The following ZFHX4 variants were observed in gnomAD, a reference collection of about 807,000 sequenced individuals.
ZFHX4 encodes zinc finger homeobox 4, also known as zinc finger homeobox protein 4.
ZFHX4 carries 56 observed loss-of-function variants against 267.6 expected under a neutral mutation model. The observed-to-expected ratio is 0.21, with a 90% CI of 0.17 to 0.26. The LOEUF is 0.26. Ranked by LOEUF, ZFHX4 falls within the 10% of genes least tolerant of loss-of-function variation. The probability of loss-of-function intolerance (pLI) is 1.00; values close to 1 mark genes in which losing one functional copy is unlikely to be tolerated. For synonymous variants in ZFHX4, 1,778 were observed against 1,665.6 expected (o/e 1.07, Z -1.64); for missense variants, 4,332 against 4,420.0 (o/e 0.98, Z 0.56).
chr8:76,752,487 C>CAAAAAAAAAAAAA (rs144149879), intron 3 of ZFHX4, among the ~76,000 whole-genome samples: 6 of 70,904 alleles, frequency 8.5e-5, no homozygotes, highest in Non-Finnish European at 1.2e-4. Context: ...ACCAAAAATC[C>CAAAAAAAAAAAAA]AAAAAAAAAA....
intron 3 of ZFHX4, among the ~76,000 whole-genome samples, chr8:76,757,738 G>A (rs770672051): frequency 9.9e-5 from 15 of 152,182 alleles, no homozygotes; most frequent in Non-Finnish European, 2.1e-4. Flanking sequence ...TAGGCACCAT[G>A]CCTATGTCTC....
chr8:76,693,372 A>G (rs973142903), intron 1 of ZFHX4: 1 of 152,190 alleles, frequency 6.6e-6, no homozygotes, highest in Middle Eastern at 3.2e-3. Flanking sequence ...GGCTTTTTAT[A>G]TTAGAACCAT....
At chr8:76,753,313 C>T (rs1809671673) in intron 3 of ZFHX4, among the ~76,000 whole-genome samples, 1 of 152,176 alleles carries the variant, frequency 6.6e-6, no homozygotes, top group Non-Finnish European at 1.5e-5. Flanking sequence ...AATCTCTTAG[C>T]CCATTTGCTT....
chr8:76,727,905 C>T (rs1483007628), intron 3 of ZFHX4, among the ~76,000 whole-genome samples: 1 of 152,076 alleles, frequency 6.6e-6, no homozygotes, highest in Non-Finnish European at 1.5e-5. Flanking sequence ...TCCCTGATAG[C>T]TGAAATAGAC....
rs1199103479 is a variant in ZFHX4, at chr8:76,683,724, TCTC to T, written c.-47+2107_-47+2109del. ...GAGGGTTTTTTTTTTTTTATTGTGTTCTCCTGGATTTTCAGTGGCTTGATCCCT... is the reference window on the plus strand; with the variant it reads ...GAGGGTTTTTTTTTTTTTATTGTGTTCTGGATTTTCAGTGGCTTGATCCCT... On this transcript the variant is annotated intron_variant, in intron 1 of 10. Coordinates refer to ENST00000651372, the MANE Select transcript of ZFHX4 (RefSeq NM_024721.5). The T allele has an allele frequency of 7.3e-5, 11 of 149,684 alleles. No individual in the cohort carries two copies. In the East Asian group the frequency reaches 1.2e-3, roughly 16 times the overall value. The allele number at this position is 149,684 out of a possible 1,614,324, so 9.3% of individuals were successfully genotyped here. A position where few individuals can be genotyped will look rare whatever the true frequency, so the allele number is the denominator to read the frequency against.
intron 3 of ZFHX4, among the ~76,000 whole-genome samples, chr8:76,721,809 T>G (rs904279915): frequency 6.6e-6 from 1 of 152,008 alleles, no homozygotes; most frequent in African/African-American, 2.4e-5. Context: ...ATAATTGGAG[T>G]CTTCTCTCTC....
chr8:76,803,253 C>T (rs538875892), intron 4 of ZFHX4, among the ~76,000 whole-genome samples: 20 of 150,894 alleles, frequency 1.3e-4, no homozygotes, highest in Admixed American at 2.6e-4. Context: ...TGTGTGCATG[C>T]GCGTGTGTGC....
rs533241302 is a variant in ZFHX4 at position 76,704,351 on chromosome 8, C to A, written c.263C>A (p.Ser88Tyr). The A allele has an allele frequency of 4.2e-5, 67 of 1,614,046 alleles. No homozygotes were observed. Among genetic ancestry groups the A allele is most frequent in the Admixed American group, 6.7e-5 (4 of 60,026 alleles). ...KEIPCNECAT[S>Y]FPSLQKYMEH... The stretch of plus-strand genomic sequence containing the variant: ...ATACCCTGCAACGAATGTGCCACTT[C>A]TTTTCCCAGTTTACAGAAATACATG... Residue 88 changes from serine to tyrosine, a missense_variant, in exon 2 of 11, where the codon TCT (serine) becomes TAT (tyrosine). Physicochemically the swap from Ser to Tyr is moderately radical, Grantham distance 144 (BLOSUM62 -2). This residue lies in a region of ZFHX4 where 1,195 missense variants were observed against 1,173.6 expected (regional missense o/e 1.02). Coordinates refer to ENST00000651372, the MANE Select transcript of ZFHX4 (RefSeq NM_024721.5).
At chr8:76,700,381 C>T (rs183971387) in intron 1 of ZFHX4, among the ~76,000 whole-genome samples, 215 of 152,256 alleles carry the variant, frequency 1.4e-3, no homozygotes, top group Non-Finnish European at 1.4e-3. Context: ...TTCACAAACA[C>T]TGTCTCACTG....
chr8:76,822,588 C>T (rs1423688007), intron 4 of ZFHX4, among the ~76,000 whole-genome samples: 1 of 151,286 alleles, frequency 6.6e-6, no homozygotes. Flanking sequence ...TACAGGTGTG[C>T]TCCACCATGC....
chr8:76,834,004 G>T, intron 5 of ZFHX4: 1 of 270,434 alleles, frequency 3.7e-6, no homozygotes, highest in Non-Finnish European at 7.4e-6. Flanking sequence ...TTTTAGATTG[G>T]TTTCATTCAC....
At chr8:76,843,482 G>A (rs758314920) in intron 6 of ZFHX4, among the ~76,000 whole-genome samples, 5 of 152,126 alleles carry the variant, frequency 3.3e-5, no homozygotes, top group Non-Finnish European at 7.4e-5. Flanking sequence ...CAAACCCTAG[G>A]CCAGCATCTG....
intron 4 of ZFHX4, among the ~76,000 whole-genome samples, chr8:76,827,574 A>C (rs1811819814): frequency 6.6e-6 from 1 of 152,232 alleles, no homozygotes; most frequent in Non-Finnish European, 1.5e-5. Context: ...ATACAATAGG[A>C]ATTAGTAAAT....
At chr8:76,799,885 C>A (rs916514524) in intron 4 of ZFHX4, among the ~76,000 whole-genome samples, 4 of 152,156 alleles carry the variant, frequency 2.6e-5, no homozygotes, top group African/African-American at 9.7e-5. Context: ...CGTGTTCATT[C>A]AGCTTTCACT....
intron 4 of ZFHX4, among the ~76,000 whole-genome samples, chr8:76,825,360 A>G (rs1811757249): frequency 6.6e-6 from 1 of 152,246 alleles, no homozygotes; most frequent in Non-Finnish European, 1.5e-5. Flanking sequence ...AGTATCAAAT[A>G]GCTAGAAACT....
chr8:76,725,154 A>G (rs1016998895), intron 3 of ZFHX4, among the ~76,000 whole-genome samples: 18 of 152,270 alleles, frequency 1.2e-4, no homozygotes, highest in African/African-American at 4.1e-4. Context: ...CCCAAATACA[A>G]TATTGAATAC....
At chr8:76,735,890 T>C (rs1809146518) in intron 3 of ZFHX4, among the ~76,000 whole-genome samples, 1 of 152,098 alleles carries the variant, frequency 6.6e-6, no homozygotes, top group Non-Finnish European at 1.5e-5. Context: ...TGCCTGTCTT[T>C]GTAATTTTAG....
chr8:76,758,488 G>T (rs1021725893), intron 3 of ZFHX4, among the ~76,000 whole-genome samples: 4 of 151,768 alleles, frequency 2.6e-5, no homozygotes, highest in Non-Finnish European at 4.4e-5. Context: ...GAGTTTTTTT[G>T]TTTGTTTGTT....
chr8:76,855,876 G>A lies in ZFHX4; in HGVS notation c.8955G>A (p.Lys2985=). 3 of 1,613,814 alleles carry A rather than the reference G, an allele frequency of 1.9e-6. No homozygotes were observed. Among genetic ancestry groups the A allele is most frequent in the Middle Eastern group, 3.3e-4 (2 of 6,062 alleles). ...VWFQNARAKE[K]KFKINIGKPF... ...TCCAAAATGCAAGGGCAAAGGAAAAGAAATTTAAAATTAACATAGGGAAGC... is the reference window on the plus strand; with the variant it reads ...TCCAAAATGCAAGGGCAAAGGAAAAAAAATTTAAAATTAACATAGGGAAGC... The change falls in exon 10 of 11, where the codon AAG becomes AAA. Residue 2985 remains lysine, a synonymous_variant. Coordinates refer to ENST00000651372, the MANE Select transcript of ZFHX4 (RefSeq NM_024721.5).
Sources: allele counts gnomAD v4.1 joint callset (sites outside exome capture counted in the v4.1 genomes callset), GRCh38; gene constraint gnomAD v4.1.1; regional missense constraint gnomAD v4.1.1; transcripts MANE v1.5; gene names NCBI Gene and HGNC (gene_info 2026-07-23, HGNC 2026-07-21).